The following ATP8B1 variants were observed in gnomAD, a reference collection of about 807,000 sequenced individuals.
ATP8B1 encodes the protein phospholipid-transporting ATPase IC.
In ATP8B1, 80 loss-of-function variants were observed where a neutral mutation model predicts 149.9. The observed-to-expected ratio is 0.53, with a 90% confidence interval of 0.45 to 0.64. The LOEUF (loss-of-function observed/expected upper bound fraction) is 0.64. Ranked by LOEUF, ATP8B1 falls within the 30% of genes least tolerant of loss-of-function variation. The pLI is 0.00. For missense variants in ATP8B1, 1,247 were observed against 1,552.6 expected (o/e 0.80, Z 3.31); for synonymous variants, 536 against 562.8 (o/e 0.95, Z 0.67).
intron 1 of ATP8B1, among the ~76,000 whole-genome samples, chr18:57,767,499 G>A (rs957560411): frequency 2.0e-5 from 3 of 152,102 alleles, no homozygotes; most frequent in Admixed American, 6.6e-5. Context: ...AAACAGGAAC[G>A]CTTTTGGGCC....
At chr18:57,649,795 G>A (rs1368678660) in intron 27 of ATP8B1, among the ~76,000 whole-genome samples, 2 of 152,112 alleles carry the variant, frequency 1.3e-5, no homozygotes, top group African/African-American at 4.8e-5. Context: ...ACACTGATAG[G>A]TCAGGAAGTG....
At position 57,800,017 on chromosome 18, in the gene ATP8B1, T is replaced by G. The variant is rs543766533; in HGVS notation, c.-26+2981A>C. 3.9e-5 allele frequency among the ~76,000 whole-genome samples: 6 copies of G among 152,284 alleles called. 1 individual carries two copies. The highest frequency in any genetic ancestry group is 1.2e-4 in the African/African-American group (5 of 41,554). On this transcript the variant is annotated intron_variant, in intron 1 of 27. Coordinates refer to ENST00000648908, the MANE Select transcript of ATP8B1 (RefSeq NM_001374385.1). ...TTTACTTAATAAGAAACAAAAAACC[T>G]ACAGGCATGAATACAATTAATCTAA...
chr18:57,798,369 C>T lies in ATP8B1; in HGVS notation c.-26+4629G>A, dbSNP rs139724871. Among the ~76,000 whole-genome samples, 347 of 149,722 alleles carry T rather than the reference C, an allele frequency of 2.3e-3. 4 individuals are homozygous for T. Among genetic ancestry groups the T allele is most frequent in the African/African-American group, 6.7e-3 (270 of 40,536 alleles). On this transcript the variant is annotated intron_variant, in intron 1 of 27. Coordinates refer to ENST00000648908, the MANE Select transcript of ATP8B1 (RefSeq NM_001374385.1). ...GGCAGGAGAACTGCTTGAGCCTAAGCGTTCAGGAGAAGCCTGGGCAACATA... is the reference window on the plus strand; with the variant it reads ...GGCAGGAGAACTGCTTGAGCCTAAGTGTTCAGGAGAAGCCTGGGCAACATA...
intron 12 of ATP8B1, among the ~76,000 whole-genome samples, chr18:57,690,508 G>T (rs554403641): frequency 3.7e-4 from 56 of 152,330 alleles, no homozygotes; most frequent in African/African-American, 1.3e-3. Flanking sequence ...TATGTATACA[G>T]TTTCTTTTAT....
At chr18:57,753,220 A>G (rs1402988328) in intron 1 of ATP8B1, among the ~76,000 whole-genome samples, 1 of 152,220 alleles carries the variant, frequency 6.6e-6, no homozygotes, top group Non-Finnish European at 1.5e-5. Flanking sequence ...TACTCAGCAA[A>G]CCACCTTGAT....
intron 15 of ATP8B1, among the ~76,000 whole-genome samples, chr18:57,679,359 A>T (rs1033665572): frequency 2.0e-5 from 3 of 152,224 alleles, no homozygotes; most frequent in Non-Finnish European, 4.4e-5. Flanking sequence ...AAACATGCAC[A>T]TGTATCCCCT....
At chr18:57,709,883 T>C (rs1913605092) in intron 2 of ATP8B1, among the ~76,000 whole-genome samples, 1 of 152,112 alleles carries the variant, frequency 6.6e-6, no homozygotes, top group African/African-American at 2.4e-5. Flanking sequence ...TTTCACCATA[T>C]TGATCAGGCT....
intron 27 of ATP8B1, among the ~76,000 whole-genome samples, chr18:57,649,972 T>C (rs912838326): frequency 1.3e-5 from 2 of 152,134 alleles, no homozygotes; most frequent in Admixed American, 6.6e-5. Flanking sequence ...CGCACTACTG[T>C]AGAGATGTTT....
chr18:57,740,811 A>T (rs372532497), intron 1 of ATP8B1: 44 of 152,330 alleles, frequency 2.9e-4, no homozygotes, highest in African/African-American at 7.2e-4. Flanking sequence ...CCTGAGGTCA[A>T]GCAATCCTCC....
intron 2 of ATP8B1, among the ~76,000 whole-genome samples, chr18:57,730,538 G>T (rs530715885): frequency 6.6e-6 from 1 of 152,254 alleles, no homozygotes; most frequent in East Asian, 1.9e-4. Context: ...TACAAGAGAA[G>T]CCCACATCTG....
chr18:57,655,198 G>A lies in ATP8B1; in HGVS notation c.2927C>T (p.Ala976Val). The A allele has an allele frequency of 5.6e-6, 9 of 1,603,038 alleles. No homozygotes were observed. Among genetic ancestry groups the A allele is most frequent in the Non-Finnish European group, 7.7e-6 (9 of 1,170,008 alleles). ...FWYSFFNGYS[A>V]QTAYEDWFIT... ...ATAATAACAACATTACATTACCTGC[G>A]CAGAGTAGCCATTGAAGAAGGAGTA... The change falls in exon 23 of 28, where the codon GCG becomes GTG. Residue 976 changes from alanine (A) to valine (V), a missense_variant. By Grantham distance (64) the Ala-to-Val change is moderately conservative (BLOSUM62 0). Transcript: ENST00000648908.
chr18:57,721,297 C>G (rs1004865882), intron 2 of ATP8B1, among the ~76,000 whole-genome samples: 2 of 149,450 alleles, frequency 1.3e-5, no homozygotes, highest in African/African-American at 5.0e-5. Context: ...AAGACACAGA[C>G]TGGCAAATTG....
At chr18:57,783,009 C>T (rs1489601868) in intron 1 of ATP8B1, among the ~76,000 whole-genome samples, 1 of 151,904 alleles carries the variant, frequency 6.6e-6, no homozygotes, top group Non-Finnish European at 1.5e-5. Flanking sequence ...GACAGGGTTT[C>T]ACCATGTTGG....
chr18:57,684,344 G>T, intron 14 of ATP8B1, 152 bp from the exon 15 acceptor site: 1 of 832,814 alleles, frequency 1.2e-6, no homozygotes, highest in Non-Finnish European at 1.8e-6. Flanking sequence ...GCTCACAACT[G>T]TCTTAAATAA....
intron 2 of ATP8B1, among the ~76,000 whole-genome samples, chr18:57,713,157 C>CTCTCTCTTTCTTTCTT (rs1555694194): frequency 2.2e-5 from 2 of 92,040 alleles, no homozygotes; most frequent in African/African-American, 4.8e-5. Context: ...CTTGATCTTT[C>CTCTCTCTTTCTTTCTT]TCTTTCTTTC....
chr18:57,663,294 T>A (rs1022264015), intron 20 of ATP8B1, among the ~76,000 whole-genome samples: 1 of 152,218 alleles, frequency 6.6e-6, no homozygotes, highest in African/African-American at 2.4e-5. Flanking sequence ...ATATATTCCA[T>A]TATGTGGAAG....
At chr18:57,699,547 A>T (rs1019955364) in intron 6 of ATP8B1, among the ~76,000 whole-genome samples, 1 of 151,834 alleles carries the variant, frequency 6.6e-6, no homozygotes, top group African/African-American at 2.4e-5. Context: ...CCACGGTGAA[A>T]CCCCATCTCT....
intron 15 of ATP8B1, 134 bp downstream of exon 15, chr18:57,683,902 C>A: frequency 8.4e-7 from 1 of 1,187,206 alleles, no homozygotes; most frequent in Non-Finnish European, 1.2e-6. Flanking sequence ...GTGGTAAGTG[C>A]TGAGAAATAT....
At chr18:57,653,901 C>T in intron 24 of ATP8B1, 91 bp downstream of exon 24, 1 of 1,163,828 alleles carries the variant, frequency 8.6e-7, no homozygotes, top group Non-Finnish European at 1.3e-6. Context: ...AAGAAGTAAA[C>T]ACCAGAAGAA....
Sources: gnomAD v4.1 joint callset for allele counts (sites outside exome capture counted in the v4.1 genomes callset) on GRCh38, gnomAD v4.1.1 for gene constraint, MANE v1.5 for transcripts, NCBI Gene and HGNC (gene_info 2026-07-23, HGNC 2026-07-21) for gene names.